SERINC5: variants seen among roughly 807,000 people sequenced by gnomAD.
SERINC5 encodes serine incorporator 5.
Under a neutral mutation model 63.1 loss-of-function variants are expected in SERINC5, and 41 were observed. The observed-to-expected ratio is 0.65, with a 90% CI of 0.51 to 0.84. SERINC5 has a LOEUF of 0.84. Ranked by LOEUF, SERINC5 falls within the 40% of genes least tolerant of loss-of-function variation. The pLI is 0.00. For missense variants in SERINC5, 523 were observed against 573.0 expected (o/e 0.91, Z 0.89); for synonymous variants, 222 against 215.2 (o/e 1.03, Z -0.28).
At chr5:80,154,875 T>C (rs1050576062) in intron 8 of SERINC5, among the ~76,000 whole-genome samples, 1 of 152,200 alleles carries the variant, frequency 6.6e-6, no homozygotes, top group African/African-American at 2.4e-5. Flanking sequence ...ATAGTGCAAA[T>C]GCCTTGTAAT....
chr5:80,150,184 G>A (rs984736099), intron 9 of SERINC5, among the ~76,000 whole-genome samples: 2 of 152,078 alleles, frequency 1.3e-5, no homozygotes, highest in Non-Finnish European at 2.9e-5. Flanking sequence ...TCACAGCCAC[G>A]CTGTGTATGG....
chr5:80,142,497 T>G lies in SERINC5; in HGVS notation c.*1166A>C, dbSNP rs962151247. On this transcript the variant is annotated 3_prime_UTR_variant, in exon 12 of 12. Coordinates refer to ENST00000507668, the MANE Select transcript of SERINC5 (RefSeq NM_001174072.3). ...GATCCGCCTGCCTCTGCGCACCTCT[T>G]TTTAAGTATATTCGGCCACTTCCAC... The G allele has an allele frequency of 1.0e-6, 1 of 985,376 alleles. No individual in the cohort carries two copies. Among genetic ancestry groups the G allele is most frequent in the Non-Finnish European group, 1.2e-6 (1 of 829,922 alleles). The allele number at this position is 985,376 out of a possible 1,614,324, so 61.0% of individuals were successfully genotyped here. A position where few individuals can be genotyped will look rare whatever the true frequency, so the allele number is the denominator to read the frequency against.
chr5:80,146,279 T>TGTTTACCATTCAGCAAAGTCACGCTC (rs1745820836), intron 10 of SERINC5, 45 bp from the exon 11 acceptor site: 1 of 1,604,700 alleles, frequency 6.2e-7, no homozygotes, highest in Non-Finnish European at 8.5e-7. Context: ...TGAATGTGTG[T>TGTTTACCATTCAGCAAAGTCACGCTC]GTTTACCATT....
intron 8 of SERINC5, among the ~76,000 whole-genome samples, chr5:80,154,018 C>G (rs995465020): frequency 1.3e-5 from 2 of 152,180 alleles, no homozygotes; most frequent in Non-Finnish European, 2.9e-5. Context: ...CATTCCGCCT[C>G]CCTGACAAAC....
intron 1 of SERINC5, among the ~76,000 whole-genome samples, chr5:80,249,572 G>A (rs928346494): frequency 3.3e-5 from 5 of 152,132 alleles, no homozygotes; most frequent in African/African-American, 1.2e-4. Context: ...GGAGGCTGAG[G>A]CGGGCAGATC....
In SERINC5 at chr5:80,146,126, G is replaced by GA; in HGVS notation, c.1201dup (p.Ser401PhefsTer82). ...GGTGACGGTCATCATCACATACAGG[G>GA]AAGCTAGGAAGAACACGAAGTGGAA... On this transcript the variant is annotated frameshift_variant, in exon 11 of 12. Coordinates refer to ENST00000507668, the MANE Select transcript of SERINC5 (RefSeq NM_001174072.3). LOFTEE classifies it high-confidence loss of function. The GA allele has an allele frequency of 6.2e-7, 1 of 1,614,044 alleles. No individual in the cohort carries two copies.
At chr5:80,154,001 G>A (rs764284886) in intron 8 of SERINC5, among the ~76,000 whole-genome samples, 9 of 152,058 alleles carry the variant, frequency 5.9e-5, no homozygotes, top group Non-Finnish European at 1.2e-4. Flanking sequence ...CTTTCCTGGA[G>A]ATCACACATT....
intron 1 of SERINC5, among the ~76,000 whole-genome samples, chr5:80,223,854 G>A (rs191934144): frequency 2.8e-3 from 427 of 152,146 alleles, no homozygotes; most frequent in African/African-American, 9.6e-3. Context: ...AGCCGGGCGC[G>A]GTGGCTCACG....
At chr5:80,224,133 CAA>C (rs33915521) in intron 1 of SERINC5, among the ~76,000 whole-genome samples, 15 of 102,114 alleles carry the variant, frequency 1.5e-4, no homozygotes, top group South Asian at 3.6e-4. Context: ...AACTCCGTCT[CAA>C]AAAAAAAAAA....
chr5:80,231,956 G>C (rs1051305632), intron 1 of SERINC5, among the ~76,000 whole-genome samples: 2 of 151,938 alleles, frequency 1.3e-5, no homozygotes, highest in African/African-American at 2.4e-5. Context: ...AAAAAAGTTA[G>C]CCAAGCATGA....
chr5:80,147,507 T>C (rs944664491), intron 9 of SERINC5, among the ~76,000 whole-genome samples: 3 of 152,176 alleles, frequency 2.0e-5, no homozygotes, highest in Non-Finnish European at 2.9e-5. Flanking sequence ...CTACCATGAA[T>C]GCTGAGAGCA....
At chr5:80,190,255 G>A (rs931094901) in intron 2 of SERINC5, among the ~76,000 whole-genome samples, 5 of 151,744 alleles carry the variant, frequency 3.3e-5, no homozygotes, top group African/African-American at 1.2e-4. Flanking sequence ...TAGGACTACA[G>A]GTGCACACCA....
chr5:80,203,257 C>CAT (rs35653111), intron 1 of SERINC5: 18,761 of 256,758 alleles, frequency 0.073, 821 homozygotes, highest in East Asian at 0.14. Flanking sequence ...TATATATACA[C>CAT]ATATATATAT....
At position 80,175,005 on chromosome 5, in the gene SERINC5, C is replaced by T. The variant is rs1561395268; in HGVS notation, c.500G>A (p.Gly167Asp). The T allele has an allele frequency of 1.2e-6, 2 of 1,602,756 alleles. No homozygotes were observed. The highest frequency in any genetic ancestry group is 1.7e-6 in the Non-Finnish European group (2 of 1,174,402). The change falls in exon 5 of 12, where the codon GGC becomes GAC. Residue 167 changes from glycine (G) to aspartate (D), a missense_variant. By Grantham distance (94) the Gly-to-Asp change is moderately conservative (BLOSUM62 -1). Coordinates refer to ENST00000507668, the MANE Select transcript of SERINC5 (RefSeq NM_001174072.3). The part of the protein sequence containing the change: ...VGAVGGFLFI[G>D]IQLLLLVEFA... ...CTCCACGAGCAGGAGGAGCTGGATG[C>T]CAATGAAGAGGAAGCCTCCGACGGC...
intron 1 of SERINC5, among the ~76,000 whole-genome samples, chr5:80,246,795 A>G (rs1752190930): frequency 6.6e-6 from 1 of 152,244 alleles, no homozygotes; most frequent in African/African-American, 2.4e-5. Context: ...AAATATCATT[A>G]ATATATAAGC....
At chr5:80,175,129 C>G in intron 4 of SERINC5, 82 bp from the exon 5 acceptor site, 1 of 848,610 alleles carries the variant, frequency 1.2e-6, no homozygotes, top group Non-Finnish European at 1.9e-6. Context: ...CTAATTTTTA[C>G]TAGATGATCA....
At chr5:80,232,426 G>T (rs1057070969) in intron 1 of SERINC5, among the ~76,000 whole-genome samples, 6 of 149,510 alleles carry the variant, frequency 4.0e-5, no homozygotes, top group Non-Finnish European at 5.9e-5. Flanking sequence ...AAAAAAAGTG[G>T]AAACAACCCA....
Position 80,202,908 on chromosome 5 carries a change from A to G in SERINC5, c.173T>C (p.Val58Ala), listed in dbSNP as rs758260668. 5.0e-6 allele frequency: 8 copies of G among 1,611,114 alleles called. No homozygotes were observed. The highest frequency in any genetic ancestry group is 6.8e-6 in the Non-Finnish European group (8 of 1,177,650). The change falls in exon 2 of 12, where the codon GTG (valine) becomes GCG (alanine). Residue 58 changes from valine (V) to alanine (A), a missense_variant. By Grantham distance (64) the Val-to-Ala change is moderately conservative (BLOSUM62 0). Coordinates refer to ENST00000507668, the MANE Select transcript of SERINC5 (RefSeq NM_001174072.3). ...VLCCIMMSTT[V>A]AHKMKEHIPF... ...TACGTGCTCTTTCATCTTGTGAGCC[A>G]CGGTTGTTGACATCATGATGCAGCA...
intron 5 of SERINC5, among the ~76,000 whole-genome samples, chr5:80,170,674 C>T (rs888516481): frequency 6.6e-6 from 1 of 152,184 alleles, no homozygotes; most frequent in Non-Finnish European, 1.5e-5. Flanking sequence ...CACTGGGCTT[C>T]CCCAAGTTTT....
Sources: gnomAD v4.1 joint callset for allele counts (sites outside exome capture counted in the v4.1 genomes callset) on GRCh38, gnomAD v4.1.1 for gene constraint, MANE v1.5 for transcripts, NCBI Gene and HGNC (gene_info 2026-07-23, HGNC 2026-07-21) for gene names.